The following DOCK11 variants were observed in gnomAD, a reference collection of about 807,000 sequenced individuals.
DOCK11 encodes the protein dedicator of cytokinesis 11.
In DOCK11, 70 loss-of-function variants were observed where a neutral mutation model predicts 169.1. The ratio of observed to expected loss-of-function variants is 0.41; its 90% CI spans 0.34 to 0.51. The LOEUF is 0.51. Among genes scored for constraint, DOCK11 ranks in the 20% least tolerant of loss-of-function variants. DOCK11 has a pLI of 0.10. For missense variants in DOCK11, 1,166 were observed against 1,538.8 expected (o/e 0.76, Z 4.05); for synonymous variants, 529 against 541.3 (o/e 0.98, Z 0.32).
At position 118,662,733 on chromosome X, in the gene DOCK11, A is replaced by G; in HGVS notation, c.5017A>G (p.Ile1673Val). 8.3e-7 allele frequency: 1 copy of G among 1,203,147 alleles called. No homozygotes were observed. The highest frequency in any genetic ancestry group is 1.8e-5 in the South Asian group (1 of 56,654). ...CSAFKKITPN[I>V]DEEGAMKEDA... ...AGCGTTCAAGAAAATTACTCCCAATATAGATGAAGAAGGAGCAATGAAAGA... is the reference window on the plus strand; with the variant it reads ...AGCGTTCAAGAAAATTACTCCCAATGTAGATGAAGAAGGAGCAATGAAAGA... Residue 1673 changes from isoleucine to valine, a missense_variant, in exon 45 of 53, where the codon ATA becomes GTA. Transcript: ENST00000276202.
intron 23 of DOCK11, among the ~76,000 whole-genome samples, chrX:118,604,140 C>G (rs1025215562): frequency 9.0e-6 from 1 of 111,558 alleles, no homozygotes; most frequent in African/African-American, 3.3e-5. Flanking sequence ...AAAACTGTTT[C>G]CAGACATTGC....
chrX:118,669,914 G>A (rs2016425931), intron 45 of DOCK11, among the ~76,000 whole-genome samples: 1 of 111,410 alleles, frequency 9.0e-6, no homozygotes, highest in African/African-American at 3.3e-5. Context: ...TGCCTCTGTA[G>A]TCTCATGGTG....
intron 1 of DOCK11, among the ~76,000 whole-genome samples, chrX:118,498,225 A>G (rs2057550574): frequency 1.8e-5 from 2 of 112,382 alleles, no homozygotes; most frequent in African/African-American, 6.5e-5. Flanking sequence ...AGCCCTTACA[A>G]TGTGCCACAC....
At chrX:118,602,194 G>A (rs994851582) in intron 23 of DOCK11, among the ~76,000 whole-genome samples, 24 of 106,549 alleles carry the variant, frequency 2.3e-4, no homozygotes, top group African/African-American at 8.2e-4. Flanking sequence ...GAACTGGGGT[G>A]AGACTATGAC....
At chrX:118,661,850 C>G (rs1419715499) in intron 44 of DOCK11, among the ~76,000 whole-genome samples, 1 of 111,512 alleles carries the variant, frequency 9.0e-6, no homozygotes, top group Non-Finnish European at 1.9e-5. Context: ...AGCAGGTGTT[C>G]TCAGCTTGAG....
intron 24 of DOCK11, among the ~76,000 whole-genome samples, chrX:118,606,081 A>ATTTTTTTTTTTTTTTTTTTTTTTTTTTTT (rs952643747): frequency 1.4e-5 from 1 of 71,096 alleles, no homozygotes; most frequent in African/African-American, 5.5e-5. Flanking sequence ...GAGGAACAGA[A>ATTTTTTTTTTTTTTTTTTTTTTTTTTTTT]TTTTTTTTTT....
At chrX:118,535,065 C>T in intron 1 of DOCK11, among the ~76,000 whole-genome samples, 1 of 112,013 alleles carries the variant, frequency 8.9e-6, no homozygotes, top group South Asian at 3.6e-4. Flanking sequence ...ATCATCAGGG[C>T]GATAGGAAGG....
At chrX:118,678,098 G>A (rs12861175) in intron 48 of DOCK11, among the ~76,000 whole-genome samples, 19,161 of 111,668 alleles carry the variant, frequency 0.17, 1,289 homozygotes, top group Middle Eastern at 0.31. Context: ...TGTTTTCTCA[G>A]TTTGTGAAAA....
intron 31 of DOCK11, among the ~76,000 whole-genome samples, chrX:118,621,049 G>A (rs1013452490): frequency 1.8e-5 from 2 of 112,538 alleles, no homozygotes; most frequent in East Asian, 2.8e-4. Context: ...GTGTACACAC[G>A]CAGGTATTGT....
At chrX:118,633,957 C>CT (rs1298887486) in intron 35 of DOCK11, 1 of 112,656 alleles carries the variant, frequency 8.9e-6, no homozygotes, top group Non-Finnish European at 1.9e-5. Flanking sequence ...TCATAATAGT[C>CT]TTTCTCTAGC....
chrX:118,538,496 C>T (rs969591659), intron 1 of DOCK11, among the ~76,000 whole-genome samples: 6 of 112,333 alleles, frequency 5.3e-5, no homozygotes, highest in Non-Finnish European at 1.1e-4. Flanking sequence ...CTTTTAAGAA[C>T]AAATCATTTT....
intron 36 of DOCK11, 123 bp from the exon 37 acceptor site, chrX:118,637,957 C>T: frequency 1.9e-6 from 1 of 526,329 alleles, no homozygotes; most frequent in Non-Finnish European, 3.0e-6. Context: ...TATAGCAAAA[C>T]ACTTATCATT....
At chrX:118,545,951 C>T in intron 5 of DOCK11, 70 bp from the exon 6 acceptor site, 2 of 713,137 alleles carry the variant, frequency 2.8e-6, no homozygotes, top group Admixed American at 2.4e-5. Flanking sequence ...TCATTCTGTG[C>T]CCCTAAATGT....
intron 28 of DOCK11, among the ~76,000 whole-genome samples, chrX:118,612,393 T>G (rs929348939): frequency 8.9e-6 from 1 of 112,100 alleles, no homozygotes; most frequent in African/African-American, 3.2e-5. Flanking sequence ...TTATCTGAAA[T>G]GTAGAATATT....
intron 14 of DOCK11, among the ~76,000 whole-genome samples, chrX:118,582,883 G>A (rs1020825928): frequency 8.9e-6 from 1 of 111,939 alleles, no homozygotes; most frequent in Non-Finnish European, 1.9e-5. Context: ...GATCCTCAAG[G>A]ATCTAGAACC....
Position 118,654,986 on chromosome X carries a change from TGGG to T in DOCK11, c.4969+29_4969+31del, listed in dbSNP as rs945377237. ...AGTAAGATATTTCTGTTTTTAGAGA[TGGG>T]GGGATTTTCATTTAGCATAATAGTT... On this transcript the variant is annotated intron_variant, in intron 44 of 52. Coordinates refer to ENST00000276202, the MANE Select transcript of DOCK11 (RefSeq NM_144658.4). The T allele has an allele frequency of 3.4e-6, 4 of 1,168,817 alleles. No individual in the cohort carries two copies. The South Asian group carries it at 5.4e-5, about 16-fold the overall frequency.
chrX:118,673,068 C>G (rs929249522), intron 46 of DOCK11, among the ~76,000 whole-genome samples: 1 of 111,893 alleles, frequency 8.9e-6, no homozygotes, highest in African/African-American at 3.3e-5. Flanking sequence ...TCTGAAGAAC[C>G]TTTGTAGTAA....
intron 16 of DOCK11, among the ~76,000 whole-genome samples, chrX:118,587,874 A>G (rs1375903525): frequency 1.8e-5 from 2 of 111,935 alleles, no homozygotes; most frequent in Non-Finnish European, 3.8e-5. Context: ...GATGTGTTAT[A>G]TTTGGCAAAT....
chrX:118,651,652 T>G (rs1433823889), intron 41 of DOCK11, among the ~76,000 whole-genome samples: 1 of 112,236 alleles, frequency 8.9e-6, no homozygotes. Flanking sequence ...ATATTTAAAA[T>G]GGAGACCTGA....
Sources: allele counts gnomAD v4.1 joint callset (sites outside exome capture counted in the v4.1 genomes callset), GRCh38; gene constraint gnomAD v4.1.1; transcripts MANE v1.5; gene names NCBI Gene and HGNC (gene_info 2026-07-23, HGNC 2026-07-21).